Variants in PHACTR1 observed in about 807,000 individuals in gnomAD.
PHACTR1 encodes phosphatase and actin regulator 1.
In PHACTR1, 16 loss-of-function variants were observed where a neutral mutation model predicts 69.2. The ratio of observed to expected loss-of-function variants is 0.23; its 90% confidence interval spans 0.16 to 0.35. The LOEUF (loss-of-function observed/expected upper bound fraction) is 0.35, where lower values mean the gene tolerates loss of function less well. PHACTR1 is among the 10% of genes least tolerant of loss of function. The pLI, the probability that PHACTR1 is intolerant of heterozygous loss-of-function variation, is 1.00. For synonymous variants in PHACTR1, 312 were observed against 284.5 expected (o/e 1.10, Z -0.97); for missense variants, 510 against 734.7 (o/e 0.69, Z 3.54).
chr6:12,802,785 G>C (rs371666952), intron 4 of PHACTR1, among the ~76,000 whole-genome samples: 1 of 152,138 alleles, frequency 6.6e-6, no homozygotes, highest in African/African-American at 2.4e-5. Context: ...TCTAAGCTCA[G>C]TGTTTACGAT....
In PHACTR1 at chr6:13,068,604, T is replaced by G. The variant is rs1052903025; in HGVS notation, c.415+15075T>G. 7.2e-5 allele frequency among the ~76,000 whole-genome samples: 11 copies of G among 152,176 alleles called. No individual in the cohort carries two copies. The South Asian group carries it at 1.9e-3, about 26-fold the overall frequency. On this transcript the variant is annotated intron_variant, in intron 5 of 14. Coordinates refer to ENST00000332995, the MANE Select transcript of PHACTR1 (RefSeq NM_030948.6). ...CAGTGCTGAGTTTAGGAGCCTGCCT[T>G]TAGACACGTTGTACAATTCCACAAA...
intron 3 of PHACTR1, among the ~76,000 whole-genome samples, chr6:12,727,751 C>T (rs114172543): frequency 0.032 from 4,817 of 152,132 alleles, 237 homozygotes; most frequent in African/African-American, 0.11. Flanking sequence ...TTGGTACCAC[C>T]CTTTGTGCCT....
At chr6:12,801,768 T>C (rs1773734298) in intron 4 of PHACTR1, among the ~76,000 whole-genome samples, 1 of 152,190 alleles carries the variant, frequency 6.6e-6, no homozygotes, top group Non-Finnish European at 1.5e-5. Flanking sequence ...ATGAGAATTA[T>C]TTAATATAGC....
chr6:13,216,513 A>G (rs1486815100), intron 8 of PHACTR1, among the ~76,000 whole-genome samples: 3 of 152,214 alleles, frequency 2.0e-5, no homozygotes, highest in African/African-American at 7.2e-5. Context: ...GTGTTTCTTC[A>G]TGACATAACA....
In PHACTR1 at chr6:13,001,446, C is replaced by T. The variant is rs192233492; in HGVS notation, c.251-51919C>T. 1.9e-4 allele frequency among the ~76,000 whole-genome samples: 29 copies of T among 152,286 alleles called. 1 individual carries two copies. In the South Asian group the frequency reaches 3.3e-3, roughly 17 times the overall value. On this transcript the variant is annotated intron_variant, in intron 4 of 14. Coordinates refer to ENST00000332995, the MANE Select transcript of PHACTR1 (RefSeq NM_030948.6). The stretch of plus-strand genomic sequence containing the variant: ...CCTTGAAAGGAGGATGGTTTTCACA[C>T]GAGGACAGTGCAAATGGTTTGGGGC...
At chr6:13,117,480 G>C in intron 5 of PHACTR1, among the ~76,000 whole-genome samples, 1 of 152,058 alleles carries the variant, frequency 6.6e-6, no homozygotes, top group Non-Finnish European at 1.5e-5. Flanking sequence ...ATACATCCTT[G>C]GCTTGTAAAG....
intron 4 of PHACTR1, among the ~76,000 whole-genome samples, chr6:12,784,587 CACTT>C (rs1425508530): frequency 3.3e-5 from 5 of 151,336 alleles, no homozygotes; most frequent in East Asian, 1.9e-4. Flanking sequence ...TATACATACA[CACTT>C]ACATGTATAT....
intron 6 of PHACTR1, among the ~76,000 whole-genome samples, chr6:13,177,012 C>A (rs75677181): frequency 6.6e-6 from 1 of 151,792 alleles, no homozygotes; most frequent in African/African-American, 2.4e-5. Flanking sequence ...GTCCTGAACC[C>A]TGAGCCTTTT....
intron 11 of PHACTR1, among the ~76,000 whole-genome samples, chr6:13,276,746 T>C (rs1778999522): frequency 6.6e-6 from 1 of 151,990 alleles, no homozygotes; most frequent in Non-Finnish European, 1.5e-5. Context: ...CACTCCAGCC[T>C]GGGCAACAGA....
At chr6:13,190,169 T>C (rs1161349186) in intron 7 of PHACTR1, among the ~76,000 whole-genome samples, 8 of 149,782 alleles carry the variant, frequency 5.3e-5, no homozygotes, top group African/African-American at 2.0e-4. Context: ...AATTACAGGC[T>C]TGTGCCACTA....
chr6:13,039,752 C>T (rs1252371180), intron 4 of PHACTR1, among the ~76,000 whole-genome samples: 2 of 152,132 alleles, frequency 1.3e-5, no homozygotes, highest in Admixed American at 6.5e-5. Context: ...AAACAGAATG[C>T]AAAGATAGCA....
At chr6:13,193,357 G>GTGTATATATATATATATATATATATA (rs536184609) in intron 7 of PHACTR1, among the ~76,000 whole-genome samples, 2 of 68,160 alleles carry the variant, frequency 2.9e-5, no homozygotes, top group African/African-American at 4.2e-5. Flanking sequence ...AGCTCTCTGT[G>GTGTATATATATATATATATATATATA]TATATATATA....
intron 5 of PHACTR1, among the ~76,000 whole-genome samples, chr6:13,096,234 G>A (rs561478275): frequency 1.3e-4 from 20 of 152,062 alleles, no homozygotes; most frequent in Non-Finnish European, 2.5e-4. Context: ...AAATAAATTT[G>A]ATCATTTGCT....
intron 4 of PHACTR1, among the ~76,000 whole-genome samples, chr6:12,949,253 G>C (rs1202213847): frequency 3.9e-5 from 5 of 126,708 alleles, no homozygotes; most frequent in African/African-American, 1.6e-4. Flanking sequence ...TGGGCAACAA[G>C]AGCGAAACGT....
intron 8 of PHACTR1, among the ~76,000 whole-genome samples, chr6:13,216,625 T>C (rs1767718972): frequency 6.6e-6 from 1 of 152,242 alleles, no homozygotes; most frequent in African/African-American, 2.4e-5. Flanking sequence ...GCTAGACATT[T>C]GTCCTTGCCC....
chr6:12,862,463 A>C (rs1781038179), intron 4 of PHACTR1, among the ~76,000 whole-genome samples: 1 of 152,140 alleles, frequency 6.6e-6, no homozygotes, highest in East Asian at 1.9e-4. Flanking sequence ...TGTCCATCTC[A>C]GGGTCACCGG....
At chr6:13,247,326 CGTGTGTGTGT>C (rs60972913) in intron 10 of PHACTR1, among the ~76,000 whole-genome samples, 22 of 139,088 alleles carry the variant, frequency 1.6e-4, no homozygotes, top group South Asian at 1.2e-3. Context: ...CAAGTTCCCT[CGTGTGTGTGT>C]GTGTGTGTGT....
intron 4 of PHACTR1, among the ~76,000 whole-genome samples, chr6:12,864,263 C>T (rs1781224800): frequency 6.6e-6 from 1 of 152,164 alleles, no homozygotes; most frequent in Admixed American, 6.5e-5. Context: ...GGGCCCCATC[C>T]CCACAGTGTC....
chr6:12,808,526 A>C (rs1481864956), intron 4 of PHACTR1, among the ~76,000 whole-genome samples: 1 of 152,248 alleles, frequency 6.6e-6, no homozygotes, highest in Non-Finnish European at 1.5e-5. Context: ...GTATGAAAAT[A>C]GTGGTAAAAC....
Sources: gnomAD v4.1 joint callset for allele counts (sites outside exome capture counted in the v4.1 genomes callset) on GRCh38, gnomAD v4.1.1 for gene constraint, MANE v1.5 for transcripts, NCBI Gene and HGNC (gene_info 2026-07-23, HGNC 2026-07-21) for gene names.